Variants in PARD3B observed in about 807,000 individuals in gnomAD.
PARD3B encodes the protein par-3 family cell polarity regulator beta.
PARD3B carries 103 observed loss-of-function variants against 130.2 expected under a neutral mutation model. The ratio of observed to expected loss-of-function variants is 0.79; its 90% CI spans 0.67 to 0.93. The LOEUF (loss-of-function observed/expected upper bound fraction) is 0.93. Ranked by LOEUF, PARD3B falls within the 40% of genes least tolerant of loss-of-function variation. The pLI is 0.00. For missense variants in PARD3B, 1,609 were observed against 1,499.2 expected (o/e 1.07, Z -1.21); for synonymous variants, 583 against 553.2 (o/e 1.05, Z -0.76).
At chr2:205,578,511 C>T (rs1223702774) in intron 22 of PARD3B, among the ~76,000 whole-genome samples, 2 of 152,046 alleles carry the variant, frequency 1.3e-5, no homozygotes, top group African/African-American at 4.8e-5. Flanking sequence ...AGTACACAAG[C>T]AAATGAAGGT....
At chr2:204,976,468 G>A (rs2878489) in intron 3 of PARD3B, among the ~76,000 whole-genome samples, 85,135 of 151,926 alleles carry the variant, frequency 0.56, 25,062 homozygotes, top group Non-Finnish European at 0.65. Context: ...ATATGTACAT[G>A]TAAAACACAG....
At chr2:205,194,610 A>G (rs1289136921) in intron 15 of PARD3B, among the ~76,000 whole-genome samples, 4 of 152,192 alleles carry the variant, frequency 2.6e-5, no homozygotes, top group Non-Finnish European at 4.4e-5. Flanking sequence ...ATTTTTGAGG[A>G]GAGAAATATA....
chr2:205,009,993 T>G (rs920488021), intron 3 of PARD3B, among the ~76,000 whole-genome samples: 8 of 152,174 alleles, frequency 5.3e-5, no homozygotes, highest in African/African-American at 1.9e-4. Context: ...ATTATTTGTT[T>G]TCATTTTATA....
At chr2:204,903,366 A>G (rs562905147) in intron 2 of PARD3B, among the ~76,000 whole-genome samples, 3 of 152,300 alleles carry the variant, frequency 2.0e-5, no homozygotes, top group Non-Finnish European at 4.4e-5. Flanking sequence ...TATGTATTTG[A>G]ATTTCTTCTT....
chr2:205,128,795 A>G lies in PARD3B; in HGVS notation c.1434+3058A>G, dbSNP rs1345098677. On this transcript the variant is annotated intron_variant, in intron 10 of 22. Transcript: ENST00000406610. This position sits in a 1 kb window ranked among gnomAD's most constrained non-coding sequence, Gnocchi z 4.5. ...GCCTGGGACTAACCACTATTTTTGA[A>G]CAATGATTGTTTTATTTTTTTATTA... Among the ~76,000 whole-genome samples the G allele has an allele frequency of 4.6e-5, 7 of 152,172 alleles. No homozygotes were observed. The highest frequency in any genetic ancestry group is 1.7e-4 in the African/African-American group (7 of 41,450).
intron 1 of PARD3B, among the ~76,000 whole-genome samples, chr2:204,563,159 GAGCTATGGC>G (rs923635023): frequency 6.6e-6 from 1 of 151,226 alleles, no homozygotes; most frequent in Non-Finnish European, 1.5e-5. Context: ...GGGCATTTCT[GAGCTATGGC>G]AGCATAACTC....
At chr2:204,642,983 A>C (rs2035135165) in intron 1 of PARD3B, among the ~76,000 whole-genome samples, 1 of 151,076 alleles carries the variant, frequency 6.6e-6, no homozygotes. Flanking sequence ...GCGTGGTGGC[A>C]GGTGCCTGTA....
In PARD3B at chr2:204,936,134, C is replaced by T. The variant is rs115481493; in HGVS notation, c.223-29018C>T. On this transcript the variant is annotated intron_variant, in intron 2 of 22. Transcript: ENST00000406610. The stretch of plus-strand genomic sequence containing the variant: ...CTTTTGGGCTGTTCAGCCTGAAATC[C>T]CAGAACACAGTTTTACTCCGCAGCC... Among the ~76,000 whole-genome samples the T allele has an allele frequency of 3.2e-3, 493 of 152,296 alleles. 6 individuals are homozygous for T. Among genetic ancestry groups the T allele is most frequent in the African/African-American group, 0.011 (456 of 41,566 alleles).
In PARD3B at chr2:205,126,288, C is replaced by A. The variant is rs147695728; in HGVS notation, c.1434+551C>A. ...TATACCCTTAGACCTAGTAACTAGA[C>A]TTCAAGTAATCTGTCCTAAACTGAT... is the stretch of plus-strand genomic sequence containing the variant. On this transcript the variant is annotated intron_variant, in intron 10 of 22. Transcript: ENST00000406610. Among the ~76,000 whole-genome samples the A allele has an allele frequency of 4.9e-3, 750 of 152,202 alleles. 7 individuals carry two copies. Among genetic ancestry groups the A allele is most frequent in the African/African-American group, 0.017 (711 of 41,506 alleles).
At chr2:204,583,625 A>G (rs1000316150) in intron 1 of PARD3B, among the ~76,000 whole-genome samples, 61 of 139,056 alleles carry the variant, frequency 4.4e-4, no homozygotes, top group African/African-American at 1.7e-3. Flanking sequence ...TAAAGTATAA[A>G]AAAAAAAAAA....
intron 21 of PARD3B, among the ~76,000 whole-genome samples, chr2:205,513,052 T>A (rs1238478910): frequency 6.6e-6 from 1 of 151,952 alleles, no homozygotes. Context: ...TGCAGTAATT[T>A]CCCAGATTTC....
chr2:204,654,065 A>G (rs1194946262), intron 1 of PARD3B, among the ~76,000 whole-genome samples: 1 of 151,256 alleles, frequency 6.6e-6, no homozygotes, highest in Non-Finnish European at 1.5e-5. Context: ...CTGCATCTTC[A>G]CGTCTTATTG....
intron 18 of PARD3B, among the ~76,000 whole-genome samples, chr2:205,374,901 A>T (rs1301869972): frequency 2.6e-5 from 4 of 152,214 alleles, no homozygotes; most frequent in Non-Finnish European, 5.9e-5. Context: ...ATGAGCACAA[A>T]GCACAATGAA....
intron 1 of PARD3B, among the ~76,000 whole-genome samples, chr2:204,554,077 C>T (rs1466457751): frequency 1.3e-5 from 2 of 152,098 alleles, no homozygotes; most frequent in Non-Finnish European, 2.9e-5. Flanking sequence ...ATCTTAAGCA[C>T]ATGCTTCCTG....
chr2:205,496,261 G>A (rs1280470415), intron 20 of PARD3B, among the ~76,000 whole-genome samples: 3 of 151,992 alleles, frequency 2.0e-5, no homozygotes, highest in Non-Finnish European at 2.9e-5. Context: ...TTAATTTGGT[G>A]GTAAGCATAT....
chr2:205,386,121 C>T (rs1419412115), intron 18 of PARD3B, among the ~76,000 whole-genome samples: 4 of 152,160 alleles, frequency 2.6e-5, no homozygotes, highest in Admixed American at 1.3e-4. Flanking sequence ...AGTCTGGAAT[C>T]GTGTTTTGTC....
At chr2:205,026,382 T>C (rs1697029952) in intron 3 of PARD3B, among the ~76,000 whole-genome samples, 1 of 152,202 alleles carries the variant, frequency 6.6e-6, no homozygotes, top group Non-Finnish European at 1.5e-5. Flanking sequence ...TTTTCTATTT[T>C]ATTTTAAAAT....
At chr2:205,006,059 G>T (rs1369592876) in intron 3 of PARD3B, among the ~76,000 whole-genome samples, 3 of 152,162 alleles carry the variant, frequency 2.0e-5, no homozygotes, top group Non-Finnish European at 4.4e-5. Flanking sequence ...GAGAACATAT[G>T]ATATTTGGTT....
intron 2 of PARD3B, among the ~76,000 whole-genome samples, chr2:204,772,427 C>G (rs1159279529): frequency 6.6e-6 from 1 of 152,028 alleles, no homozygotes; most frequent in African/African-American, 2.4e-5. Flanking sequence ...TGCAATTGAT[C>G]CCAATACATT....
Sources: gnomAD v4.1 joint callset for allele counts (sites outside exome capture counted in the v4.1 genomes callset) on GRCh38, gnomAD v4.1.1 for gene constraint, Gnocchi (gnomAD v3.1) non-coding constraint, MANE v1.5 for transcripts, NCBI Gene and HGNC (gene_info 2026-07-23, HGNC 2026-07-21) for gene names.